The following ZNF560 variants were observed in gnomAD, a reference collection of about 807,000 sequenced individuals.
The protein encoded by ZNF560 is zinc finger protein 560.
ZNF560 carries 54 observed loss-of-function variants against 81.8 expected under a neutral mutation model. That is an observed-to-expected ratio of 0.66 (90% CI 0.53 to 0.83). The LOEUF (loss-of-function observed/expected upper bound fraction) is 0.83, where lower values mean the gene tolerates loss of function less well. ZNF560 is among the 40% of genes least tolerant of loss of function. The probability of loss-of-function intolerance (pLI) is 0.00; values close to 1 mark genes in which losing one functional copy is unlikely to be tolerated. For missense variants in ZNF560, 940 were observed against 932.4 expected (o/e 1.01, Z -0.11); for synonymous variants, 321 against 317.9 (o/e 1.01, Z -0.10).
upstream of ZNF560, among the ~76,000 whole-genome samples, chr19:9,503,426 A>G (rs988833058): frequency 2.7e-4 from 41 of 152,186 alleles, no homozygotes; most frequent in African/African-American, 8.9e-4. Flanking sequence ...AGCAGATTCA[A>G]TGTCTCAGGA....
intron 2 of ZNF560, among the ~76,000 whole-genome samples, chr19:9,483,213 G>A (rs1339978103): frequency 2.6e-5 from 4 of 151,922 alleles, no homozygotes; most frequent in Non-Finnish European, 5.9e-5. Context: ...CGTCTAGGAA[G>A]AGAGGAGCGT....
intron 2 of ZNF560, among the ~76,000 whole-genome samples, chr19:9,479,547 A>G (rs1417981726): frequency 6.6e-6 from 1 of 152,194 alleles, no homozygotes; most frequent in Non-Finnish European, 1.5e-5. Flanking sequence ...AATAAGATAG[A>G]ATAATTATAA....
intron 2 of ZNF560, among the ~76,000 whole-genome samples, chr19:9,481,202 G>A (rs1166710839): frequency 1.3e-5 from 2 of 152,074 alleles, no homozygotes; most frequent in Non-Finnish European, 2.9e-5. Flanking sequence ...ATGGTGCTGG[G>A]AAAACTGGCT....
chr19:9,492,776 A>G (rs2073492971), intron 2 of ZNF560, among the ~76,000 whole-genome samples: 1 of 152,196 alleles, frequency 6.6e-6, no homozygotes, highest in Non-Finnish European at 1.5e-5. Flanking sequence ...CCACAGTCAG[A>G]ACAAACAGGC....
intron 2 of ZNF560, among the ~76,000 whole-genome samples, chr19:9,478,072 AG>A (rs1454504872): frequency 6.6e-6 from 1 of 152,190 alleles, no homozygotes; most frequent in Non-Finnish European, 1.5e-5. Context: ...AATCCAAACA[AG>A]GCTACCCTAA....
chr19:9,480,095 G>C (rs1437913123), intron 2 of ZNF560, among the ~76,000 whole-genome samples: 2 of 152,088 alleles, frequency 1.3e-5, no homozygotes, highest in African/African-American at 4.8e-5. Flanking sequence ...AGAAACATGA[G>C]ACTAGAACTA....
intron 2 of ZNF560, among the ~76,000 whole-genome samples, chr19:9,494,691 A>C (rs548125707): frequency 6.6e-6 from 1 of 152,188 alleles, no homozygotes; most frequent in South Asian, 2.1e-4. Context: ...AGCCAAGATC[A>C]CGCCACTGCA....
rs3068756 is a variant in ZNF560, at chr19:9,468,725, C to CTT, written c.612+378_612+379dup. 4.4e-4 allele frequency among the ~76,000 whole-genome samples: 54 copies of CTT among 123,024 alleles called. 1 individual carries two copies. The highest frequency in any genetic ancestry group is 1.1e-3 in the African/African-American group (36 of 32,544). The allele number at this position is 123,024 out of a possible 152,430, so 80.7% of individuals were successfully genotyped here. On this transcript the variant is annotated intron_variant, in intron 9 of 9. Transcript: ENST00000301480. ...AAATATCTATCATTTCTGCTGATTT[C>CTT]TTTTTTTTTTTTTTTTTTTTGAGAT...
intron 2 of ZNF560, among the ~76,000 whole-genome samples, chr19:9,488,611 C>G (rs1031740903): frequency 6.6e-6 from 1 of 150,560 alleles, no homozygotes; most frequent in Non-Finnish European, 1.5e-5. Flanking sequence ...GAAAAAAGCT[C>G]ACACAACAAA....
Position 9,466,509 on chromosome 19 carries a change from G to A in ZNF560, c.*65C>T. 1.4e-6 allele frequency: 2 copies of A among 1,438,610 alleles called. No individual in the cohort carries two copies. Among genetic ancestry groups the A allele is most frequent in the Non-Finnish European group, 1.9e-6 (2 of 1,063,064 alleles). 89.1% of individuals were successfully genotyped at this position (1,438,610 alleles called of 1,614,324 possible). On this transcript the variant is annotated 3_prime_UTR_variant, in exon 10 of 10. Transcript: ENST00000301480. ...TACTTTCTCCTGTGAATTTTTACAT[G>A]TTCAGTTAGGCTTGAGGAAACAGCA...
Position 9,467,614 on chromosome 19 carries a change from G to C in ZNF560, c.1333C>G (p.Pro445Ala). The C allele has an allele frequency of 6.2e-7, 1 of 1,613,542 alleles. No homozygotes were observed. Among genetic ancestry groups the C allele is most frequent in the Non-Finnish European group, 8.5e-7 (1 of 1,179,852 alleles). ...DHCGKAFISY[P>A]SLFGHLRVHN... Reference sequence around the variant, plus strand: ...ACTCTCAAATGTCCAAAAAGAGATGGGTAAGAAATAAAGGCTTTCCCACAG... The same window carrying C: ...ACTCTCAAATGTCCAAAAAGAGATGCGTAAGAAATAAAGGCTTTCCCACAG... The change falls in exon 10 of 10, where the codon CCA becomes GCA. Residue 445 changes from proline to alanine, a missense_variant. Transcript: ENST00000301480.
At chr19:9,498,683 G>A (rs1259795684), upstream of ZNF560, 1 of 152,318 alleles carries the variant, frequency 6.6e-6, no homozygotes, top group Non-Finnish European at 1.5e-5. Context: ...TGGGCAGTTG[G>A]ACAGGATGGA....
intron 2 of ZNF560, among the ~76,000 whole-genome samples, chr19:9,483,814 C>T (rs1454856444): frequency 3.3e-5 from 5 of 152,122 alleles, no homozygotes; most frequent in African/African-American, 7.2e-5. Flanking sequence ...TCATTGAGAA[C>T]GGGCCATGAT....
At chr19:9,469,314 T>G in intron 8 of ZNF560, 127 bp from the exon 9 acceptor site, 1 of 699,468 alleles carries the variant, frequency 1.4e-6, no homozygotes, top group Non-Finnish European at 2.4e-6. Flanking sequence ...CAAGTTTTAG[T>G]AATTTTTAAA....
intron 2 of ZNF560, among the ~76,000 whole-genome samples, chr19:9,484,960 A>T (rs1163878857): frequency 1.3e-5 from 2 of 152,166 alleles, no homozygotes; most frequent in Non-Finnish European, 2.9e-5. Context: ...CTACTTGGAA[A>T]AATTACATGC....
At chr19:9,462,022 G>A (rs1487517820), downstream of ZNF560, among the ~76,000 whole-genome samples, 1 of 152,200 alleles carries the variant, frequency 6.6e-6, no homozygotes, top group African/African-American at 2.4e-5. Context: ...TTGTCTTTGT[G>A]TAGTCTGCAG....
chr19:9,446,258 C>A, the ZNF560 span, among the ~76,000 whole-genome samples: 2 of 151,844 alleles, frequency 1.3e-5, no homozygotes, highest in Non-Finnish European at 2.9e-5. Context: ...TTTTCAGATT[C>A]TTCAAATAGC....
chr19:9,505,168 C>T, the ZNF560 span, among the ~76,000 whole-genome samples: 40,992 of 152,176 alleles, frequency 0.27, 6,903 homozygotes, highest in East Asian at 0.43. Flanking sequence ...TCAAGCAATC[C>T]TCCTGCCTCA....
chr19:9,456,327 T>C, the ZNF560 span, among the ~76,000 whole-genome samples: 2 of 152,198 alleles, frequency 1.3e-5, no homozygotes, highest in Non-Finnish European at 2.9e-5. Flanking sequence ...GAGTGCAGGT[T>C]CATACAGGAG....
Sources: allele counts gnomAD v4.1 joint callset (sites outside exome capture counted in the v4.1 genomes callset), GRCh38; gene constraint gnomAD v4.1.1; transcripts MANE v1.5; gene names NCBI Gene and HGNC (gene_info 2026-07-23, HGNC 2026-07-21).